Variants in RABGAP1L observed in about 807,000 individuals in gnomAD.
RABGAP1L encodes the protein RAB GTPase activating protein 1 like.
A neutral mutation model predicts 137.7 loss-of-function variants in RABGAP1L; 63 were observed. The observed-to-expected ratio is 0.46, with a 90% CI of 0.37 to 0.56. The LOEUF is 0.56. Ranked by LOEUF, RABGAP1L falls within the 20% of genes least tolerant of loss-of-function variation. RABGAP1L has a pLI of 0.00. For missense variants in RABGAP1L, 1,095 were observed against 1,244.0 expected (o/e 0.88, Z 1.80); for synonymous variants, 431 against 433.7 (o/e 0.99, Z 0.08).
chr1:174,278,487 TAA>T, intron 9 of RABGAP1L, 124 bp from the exon 10 acceptor site: 1 of 710,028 alleles, frequency 1.4e-6, no homozygotes, highest in Non-Finnish European at 2.3e-6. Context: ...ATAGAACAGT[TAA>T]AAATAAACAT....
At chr1:174,814,011 A>G (rs1201066674) in intron 19 of RABGAP1L, among the ~76,000 whole-genome samples, 1 of 152,220 alleles carries the variant, frequency 6.6e-6, no homozygotes, top group Non-Finnish European at 1.5e-5. Flanking sequence ...TGAGGACAAA[A>G]GAAACCCAGG....
intron 13 of RABGAP1L, among the ~76,000 whole-genome samples, chr1:174,482,870 G>T (rs966406562): frequency 4.5e-4 from 68 of 151,832 alleles, no homozygotes; most frequent in Middle Eastern, 3.4e-3. Context: ...TTGTTCAGTG[G>T]GGCTGCTACA....
intron 13 of RABGAP1L, among the ~76,000 whole-genome samples, chr1:174,501,557 C>T (rs1047059642): frequency 6.6e-6 from 1 of 152,150 alleles, no homozygotes; most frequent in Non-Finnish European, 1.5e-5. Flanking sequence ...AGTTGCATCA[C>T]TGATGGGCAT....
At chr1:174,768,539 C>G (rs1346992348) in intron 18 of RABGAP1L, among the ~76,000 whole-genome samples, 1 of 152,214 alleles carries the variant, frequency 6.6e-6, no homozygotes, top group Admixed American at 6.5e-5. Flanking sequence ...CACACAACTT[C>G]AGTAAACACA....
intron 19 of RABGAP1L, among the ~76,000 whole-genome samples, chr1:174,921,690 A>T (rs1416786747): frequency 6.6e-6 from 1 of 152,230 alleles, no homozygotes; most frequent in Non-Finnish European, 1.5e-5. Context: ...GAACTGTCTA[A>T]ATATGCCAAA....
In RABGAP1L at chr1:174,531,043, A is replaced by G. The variant is rs543791703; in HGVS notation, c.1711-106332A>G. Among the ~76,000 whole-genome samples the G allele has an allele frequency of 3.9e-3, 600 of 152,336 alleles. 6 individuals are homozygous for G. The highest frequency in any genetic ancestry group is 0.014 in the African/African-American group (566 of 41,578). ...AGTAAAAAGAACAGACTTGCTACAC[A>G]TAACCCCATGGGTGAATCTGAATAC... On this transcript the variant is annotated intron_variant, in intron 13 of 25. Coordinates refer to ENST00000681986, the MANE Select transcript of RABGAP1L (RefSeq NM_001366446.1).
rs139607234 is a variant in RABGAP1L at position 174,960,170 on chromosome 1, G to C, written c.2433+2621G>C. Among the ~76,000 whole-genome samples the C allele has an allele frequency of 7.0e-4, 106 of 152,208 alleles. 1 individual carries two copies. The highest frequency in any genetic ancestry group is 2.4e-3 in the African/African-American group (98 of 41,548). On this transcript the variant is annotated intron_variant, in intron 20 of 25. Coordinates refer to ENST00000681986, the MANE Select transcript of RABGAP1L (RefSeq NM_001366446.1). The stretch of plus-strand genomic sequence containing the variant: ...TTGCCATATGACAAGAGAGTTAGAA[G>C]GTTGTGGGAAATTTATTTTTTAAAG...
At chr1:174,342,621 T>C (rs1402690877) in intron 11 of RABGAP1L, among the ~76,000 whole-genome samples, 1 of 151,982 alleles carries the variant, frequency 6.6e-6, no homozygotes, top group East Asian at 1.9e-4. Context: ...TCTTTTTTAT[T>C]GTTTAAAAAT....
At chr1:174,868,344 A>G (rs75190377) in intron 19 of RABGAP1L, among the ~76,000 whole-genome samples, 3,193 of 152,270 alleles carry the variant, frequency 0.021, 124 homozygotes, top group African/African-American at 0.074. Flanking sequence ...TGTAAGAACT[A>G]AAAGAGATAA....
chr1:174,892,425 A>G (rs1300857470), intron 19 of RABGAP1L: 1 of 411,840 alleles, frequency 2.4e-6, no homozygotes, highest in African/African-American at 2.1e-5. Context: ...AAATATGAAT[A>G]TCAACACGAA....
intron 1 of RABGAP1L, among the ~76,000 whole-genome samples, chr1:174,174,823 C>A (rs767493796): frequency 6.6e-6 from 1 of 152,156 alleles, no homozygotes; most frequent in Non-Finnish European, 1.5e-5. Flanking sequence ...TTGGATGGTG[C>A]CTGCCCACAC....
At chr1:174,679,100 A>G (rs1013103780) in intron 14 of RABGAP1L, among the ~76,000 whole-genome samples, 8 of 152,212 alleles carry the variant, frequency 5.3e-5, no homozygotes, top group Non-Finnish European at 1.0e-4. Flanking sequence ...CTGGGTTTAT[A>G]TCCCGATCAT....
intron 19 of RABGAP1L, among the ~76,000 whole-genome samples, chr1:174,891,830 C>A (rs939161907): frequency 1.3e-5 from 2 of 152,080 alleles, no homozygotes; most frequent in Non-Finnish European, 2.9e-5. Flanking sequence ...ATGAGGTTTT[C>A]TTTTTACTAA....
At chr1:174,958,111 C>A (rs974049333) in intron 20 of RABGAP1L, 1 of 1,508,384 alleles carries the variant, frequency 6.6e-7, no homozygotes, top group East Asian at 2.6e-5. Context: ...TCAAACTTGC[C>A]TCTGTCTGTA....
rs776390616 is a variant in RABGAP1L at position 174,241,547 on chromosome 1, G to A, written c.607G>A (p.Ala203Thr). The change falls in exon 5 of 26, where the codon GCA becomes ACA. Residue 203 changes from alanine (A) to threonine (T), a missense_variant. By Grantham distance (58) the Ala-to-Thr change is moderately conservative. Coordinates refer to ENST00000681986, the MANE Select transcript of RABGAP1L (RefSeq NM_001366446.1). ...TCCAATCTATAAGGTGTTATTCTGT[G>A]CACGTGGACATGACGGAACAACAGA... The part of the protein sequence containing the change: ...SFPIYKVLFC[A>T]RGHDGTTESN... 12 of 1,612,978 alleles carry A rather than the reference G, an allele frequency of 7.4e-6. No homozygotes were observed. Among genetic ancestry groups the A allele is most frequent in the South Asian group, 1.1e-5 (1 of 91,064 alleles).
chr1:174,596,029 T>C (rs1364697096), intron 13 of RABGAP1L, among the ~76,000 whole-genome samples: 5 of 108,490 alleles, frequency 4.6e-5, no homozygotes, highest in South Asian at 3.0e-4. Context: ...TAGGACCCTC[T>C]GAGCCAGGTG....
chr1:174,293,908 A>T (rs756308049), intron 10 of RABGAP1L, among the ~76,000 whole-genome samples: 20 of 152,206 alleles, frequency 1.3e-4, no homozygotes, highest in Non-Finnish European at 2.1e-4. Context: ...ACAATACTAG[A>T]TGATAATGGA....
chr1:174,668,050 T>TA (rs1458549286), intron 14 of RABGAP1L, among the ~76,000 whole-genome samples: 2 of 152,180 alleles, frequency 1.3e-5, no homozygotes, highest in Admixed American at 1.3e-4. Context: ...CCAAAACTGT[T>TA]ATTATGAAAA....
chr1:174,480,786 A>G (rs1162504633), intron 13 of RABGAP1L, among the ~76,000 whole-genome samples: 1 of 152,268 alleles, frequency 6.6e-6, no homozygotes, highest in Admixed American at 6.5e-5. Context: ...CAAACATGCC[A>G]TCGGGGCAAT....
Sources: allele counts gnomAD v4.1 joint callset (sites outside exome capture counted in the v4.1 genomes callset), GRCh38; gene constraint gnomAD v4.1.1; transcripts MANE v1.5; gene names NCBI Gene and HGNC (gene_info 2026-07-23, HGNC 2026-07-21).